Variants in RRM2 observed in about 807,000 individuals in gnomAD.
RRM2 encodes the protein ribonucleoside-diphosphate reductase subunit M2.
RRM2 carries 6 observed loss-of-function variants against 45.9 expected under a neutral mutation model. The observed-to-expected ratio is 0.13, with a 90% CI of 0.07 to 0.26. The LOEUF (loss-of-function observed/expected upper bound fraction) is 0.26, where lower values mean the gene tolerates loss of function less well. RRM2 is among the 10% of genes least tolerant of loss of function. The probability of loss-of-function intolerance (pLI) is 1.00; values close to 1 mark genes in which losing one functional copy is unlikely to be tolerated. For missense variants in RRM2, 343 were observed against 489.5 expected (o/e 0.70, Z 2.82); for synonymous variants, 177 against 173.0 (o/e 1.02, Z -0.18).
At chr2:10,200,706 G>C (rs183852875) in intron 3 of RRM2, among the ~76,000 whole-genome samples, 3 of 139,078 alleles carry the variant, frequency 2.2e-5, no homozygotes, top group African/African-American at 7.6e-5. Context: ...GTCCCACGGG[G>C]ACCGCGCACA....
intron 3 of RRM2, among the ~76,000 whole-genome samples, chr2:10,188,518 A>T (rs1664217965): frequency 6.6e-6 from 1 of 152,098 alleles, no homozygotes; most frequent in South Asian, 2.1e-4. Flanking sequence ...TTAGGACCTC[A>T]TTTCACATGA....
At chr2:10,200,492 C>T (rs573579968) in intron 3 of RRM2, among the ~76,000 whole-genome samples, 285 of 20,758 alleles carry the variant, frequency 0.014, 15 homozygotes, top group South Asian at 0.032. Context: ...CCACAGGCAC[C>T]GCGCACACAA....
Position 10,144,266 on chromosome 2 carries a change from T to C in RRM2, n.482+1891T>C, listed in dbSNP as rs572805361. On this transcript the variant is annotated intron_variant and non_coding_transcript_variant, in intron 3 of 3. Coordinates refer to the RRM2 transcript ENST00000381786. ...GCAGCAGGAGCCGGCGTCTGAGGCATCTCCTCACACTCTTCCAAGGTCAGA... is the reference window on the plus strand; with the variant it reads ...GCAGCAGGAGCCGGCGTCTGAGGCACCTCCTCACACTCTTCCAAGGTCAGA... 2.6e-5 allele frequency among the ~76,000 whole-genome samples: 4 copies of C among 152,244 alleles called. No individual in the cohort carries two copies. The South Asian group carries it at 8.3e-4, about 32-fold the overall frequency.
At chr2:10,149,429 C>T (rs532251546) in intron 3 of RRM2, among the ~76,000 whole-genome samples, 1 of 152,200 alleles carries the variant, frequency 6.6e-6, no homozygotes, top group South Asian at 2.1e-4. Flanking sequence ...GCGCCCAGCC[C>T]TGCTTTATTA....
In RRM2 at chr2:10,195,796, A is replaced by G. The variant is rs1664403024; in HGVS notation, n.483-14515A>G. Among the ~76,000 whole-genome samples the G allele has an allele frequency of 6.6e-6, 1 of 152,142 alleles. No homozygotes were observed. Among genetic ancestry groups the G allele is most frequent in the Non-Finnish European group, 1.5e-5 (1 of 68,022 alleles). ...CTGTGTAGGACTGGTTGCCACAGGT[A>G]AGTAGTGACCTGGCCTGGCCGATGC... On this transcript the variant is annotated intron_variant and non_coding_transcript_variant, in intron 3 of 3. Coordinates refer to the RRM2 transcript ENST00000381786. The surrounding 1 kb of genome is among the most constrained non-coding windows in gnomAD (Gnocchi z 4.9).
In RRM2 at chr2:10,123,433, G is replaced by A. The variant is rs758123078; in HGVS notation, c.221G>A (p.Arg74Lys). The A allele has an allele frequency of 6.2e-7, 1 of 1,614,184 alleles. No homozygotes were observed. The change falls in exon 3 of 10, where the codon AGA becomes AAA. Residue 74 changes from arginine to lysine, a missense_variant. By Grantham distance (26) the Arg-to-Lys change is conservative. This residue lies in a region of RRM2 where 131 missense variants were observed against 121.4 expected (regional missense o/e 1.08). Coordinates refer to ENST00000304567, the MANE Select transcript of RRM2 (RefSeq NM_001034.4). ...GGCGTGGAGGATGAGCCGCTGCTGAGAGAAAACCCCCGCCGCTTTGTCATC... is the reference window on the plus strand; with the variant it reads ...GGCGTGGAGGATGAGCCGCTGCTGAAAGAAAACCCCCGCCGCTTTGTCATC... ...APGVEDEPLLRENPRRFVIFP... is the reference protein window; with the variant it reads ...APGVEDEPLLKENPRRFVIFP...
At chr2:10,189,168 C>T (rs916444373) in intron 3 of RRM2, among the ~76,000 whole-genome samples, 2 of 152,242 alleles carry the variant, frequency 1.3e-5, no homozygotes, top group African/African-American at 4.8e-5. Flanking sequence ...CACGCCCTTC[C>T]CACCTGGCCG....
intron 2 of RRM2, 90 bp downstream of exon 2, chr2:10,123,147 C>G (rs1662701872): frequency 6.4e-6 from 9 of 1,408,712 alleles, no homozygotes; most frequent in Non-Finnish European, 8.5e-6. Flanking sequence ...GTTCACACTC[C>G]CGCCCCGGCT....
chr2:10,128,980 C>A (rs375249597), intron 8 of RRM2, 28 bp downstream of exon 8: 3 of 1,608,478 alleles, frequency 1.9e-6, no homozygotes, highest in Non-Finnish European at 2.6e-6. Context: ...ATGGGTCACT[C>A]AAGCTTGCTA....
chr2:10,200,186 C>T (rs1266666692), intron 3 of RRM2, among the ~76,000 whole-genome samples: 66 of 152,124 alleles, frequency 4.3e-4, no homozygotes. Context: ...TTACATAGGC[C>T]TTTTAAGTTG....
chr2:10,155,387 A>G (rs1317213280), intron 3 of RRM2, among the ~76,000 whole-genome samples: 1 of 152,148 alleles, frequency 6.6e-6, no homozygotes, highest in Admixed American at 6.5e-5. Flanking sequence ...GACAGAAGGT[A>G]CCTTGCTCAT....
chr2:10,142,162 A>G, intron 2 of RRM2: 1 of 1,501,100 alleles, frequency 6.7e-7, no homozygotes, highest in Non-Finnish European at 9.1e-7. Flanking sequence ...GTCAGAGCAG[A>G]GTGAGGGGTG....
At chr2:10,177,663 T>TTTCCTTCCTTCCTTCCTTCCTTCCTTCC (rs138844800) in intron 3 of RRM2, among the ~76,000 whole-genome samples, 22 of 141,246 alleles carry the variant, frequency 1.6e-4, no homozygotes, top group African/African-American at 5.8e-4. Flanking sequence ...CTTCTTTCCT[T>TTTCCTTCCTTCCTTCCTTCCTTCCTTCC]TTCCTTCCTT....
intron 5 of RRM2, 111 bp downstream of exon 5, chr2:10,124,961 CAT>C: frequency 1.0e-6 from 1 of 995,620 alleles, no homozygotes; most frequent in Middle Eastern, 2.5e-4. Context: ...CTAAGACAGT[CAT>C]AGGCATTCCC....
intron 5 of RRM2, 63 bp from the exon 6 acceptor site, chr2:10,126,812 A>G (rs1662788174): frequency 4.9e-6 from 6 of 1,232,896 alleles, no homozygotes; most frequent in Non-Finnish European, 7.0e-6. Flanking sequence ...CTTATCTAGC[A>G]GTTGGTAATC....
chr2:10,136,292 A>C (rs1373408703), downstream of RRM2, among the ~76,000 whole-genome samples: 1 of 152,246 alleles, frequency 6.6e-6, no homozygotes, highest in East Asian at 1.9e-4. Flanking sequence ...GGTTTGCAGC[A>C]TGTGCTGCGA....
At chr2:10,126,572 A>G (rs2125307131) in intron 5 of RRM2, 1 of 306,918 alleles carries the variant, frequency 3.3e-6, no homozygotes, top group East Asian at 5.6e-5. Flanking sequence ...ATAATTTTAA[A>G]GGCAACAAAT....
At chr2:10,178,088 AT>A (rs368820243) in intron 3 of RRM2, among the ~76,000 whole-genome samples, 6 of 148,088 alleles carry the variant, frequency 4.1e-5, no homozygotes, top group South Asian at 2.2e-4. Context: ...CGCCCGGCTA[AT>A]TTTTTTTTTC....
At chr2:10,123,980 C>T (rs1400862601) in intron 4 of RRM2, 128 bp downstream of exon 4, 1 of 682,040 alleles carries the variant, frequency 1.5e-6, no homozygotes, top group Non-Finnish European at 2.6e-6. Flanking sequence ...TTTTATATTA[C>T]ATGGCATTTC....
Sources: gnomAD v4.1 joint callset for allele counts (sites outside exome capture counted in the v4.1 genomes callset) on GRCh38, gnomAD v4.1.1 for gene constraint, gnomAD v4.1.1 regional missense constraint, Gnocchi (gnomAD v3.1) non-coding constraint, MANE v1.5 for transcripts, NCBI Gene and HGNC (gene_info 2026-07-23, HGNC 2026-07-21) for gene names.